SPRED2: variants seen among roughly 807,000 people sequenced by gnomAD.
The protein encoded by SPRED2 is sprouty related EVH1 domain containing 2.
SPRED2 carries 47 observed loss-of-function variants against 43.0 expected under a neutral mutation model. The observed-to-expected ratio is 1.09, with a 90% CI of 0.87 to 1.40. SPRED2 has a LOEUF of 1.40. SPRED2 is among the 40% of genes most tolerant of loss of function. SPRED2 has a pLI of 0.00. For missense variants in SPRED2, 561 were observed against 586.4 expected, an observed-to-expected ratio of 0.96 and a Z score of 0.45; for synonymous variants, 225 against 225.7, an observed-to-expected ratio of 1.00 and a Z score of 0.03.
intron 1 of SPRED2, among the ~76,000 whole-genome samples, chr2:65,371,200 G>A (rs868482479): frequency 2.6e-5 from 4 of 152,098 alleles, no homozygotes; most frequent in African/African-American, 9.6e-5. Flanking sequence ...ATTTTTTTTG[G>A]CAGGAAAACT....
intron 1 of SPRED2, among the ~76,000 whole-genome samples, chr2:65,392,328 A>G (rs541330635): frequency 1.6e-4 from 25 of 151,850 alleles, no homozygotes; most frequent in Admixed American, 1.4e-3. Flanking sequence ...ACAGGTGTGC[A>G]TTACCATGCC....
chr2:65,384,328 A>T (rs1456986479), intron 1 of SPRED2, among the ~76,000 whole-genome samples: 1 of 152,142 alleles, frequency 6.6e-6, no homozygotes, highest in Non-Finnish European at 1.5e-5. Flanking sequence ...TGCTTATGGA[A>T]TAAAGTCAGA....
At chr2:65,327,766 C>A (rs1363241317) in intron 4 of SPRED2, among the ~76,000 whole-genome samples, 5 of 133,106 alleles carry the variant, frequency 3.8e-5, no homozygotes, top group Non-Finnish European at 6.2e-5. Context: ...CTCTGTCGCC[C>A]AGGCTGGAGT....
intron 4 of SPRED2, among the ~76,000 whole-genome samples, chr2:65,325,401 A>G (rs987798787): frequency 6.6e-6 from 1 of 152,250 alleles, no homozygotes; most frequent in Non-Finnish European, 1.5e-5. Flanking sequence ...AGCACTGCTA[A>G]GCAAAAATAG....
intron 1 of SPRED2, among the ~76,000 whole-genome samples, chr2:65,393,077 G>A (rs949920810): frequency 6.6e-6 from 1 of 152,152 alleles, no homozygotes; most frequent in Non-Finnish European, 1.5e-5. Context: ...CTTACAAAAA[G>A]TTGTTGCTAC....
At chr2:65,412,577 G>A (rs1259785097) in intron 1 of SPRED2, among the ~76,000 whole-genome samples, 1 of 152,118 alleles carries the variant, frequency 6.6e-6, no homozygotes, top group African/African-American at 2.4e-5. Context: ...GTTTAAGAGT[G>A]GATTTGCATC....
chr2:65,398,044 T>C (rs761293665), intron 1 of SPRED2, among the ~76,000 whole-genome samples: 6 of 152,176 alleles, frequency 3.9e-5, no homozygotes, highest in Non-Finnish European at 7.3e-5. Flanking sequence ...AATAGGCACA[T>C]AGACCAATGG....
At chr2:65,362,140 T>C (rs1293822450) in intron 1 of SPRED2, among the ~76,000 whole-genome samples, 1 of 152,252 alleles carries the variant, frequency 6.6e-6, no homozygotes, top group Non-Finnish European at 1.5e-5. Flanking sequence ...TGCAGCTAAC[T>C]GTCTGAGCTG....
chr2:65,382,943 G>A (rs1675406414), intron 1 of SPRED2, among the ~76,000 whole-genome samples: 1 of 152,176 alleles, frequency 6.6e-6, no homozygotes, highest in Non-Finnish European at 1.5e-5. Flanking sequence ...CCTTGCGGTG[G>A]TGTGTTTGAA....
At chr2:65,391,467 T>C (rs1190929423) in intron 1 of SPRED2, among the ~76,000 whole-genome samples, 2 of 152,226 alleles carry the variant, frequency 1.3e-5, no homozygotes, top group African/African-American at 4.8e-5. Flanking sequence ...GATCATGTTA[T>C]GTAGGCAGAA....
At chr2:65,407,663 A>C (rs1041752039) in intron 1 of SPRED2, among the ~76,000 whole-genome samples, 2 of 152,144 alleles carry the variant, frequency 1.3e-5, no homozygotes, top group African/African-American at 4.8e-5. Flanking sequence ...CCAAAAGATC[A>C]ACTCTCCTCA....
chr2:65,328,415 G>A (rs980488415), intron 4 of SPRED2, among the ~76,000 whole-genome samples: 4 of 152,254 alleles, frequency 2.6e-5, no homozygotes, highest in Admixed American at 1.3e-4. Context: ...AGCAGTTTAC[G>A]GGCTTGCATT....
At position 65,341,727 on chromosome 2, in the gene SPRED2, A is replaced by G. The variant is rs1455081787; in HGVS notation, c.204+2992T>C. Among the ~76,000 whole-genome samples the G allele has an allele frequency of 3.3e-5, 5 of 152,322 alleles. No homozygotes were observed. In the South Asian group the frequency reaches 8.3e-4, roughly 25 times the overall value. ...TGGTAAAAGTTTACTATGCACTAGT[A>G]ATGTCTTACCAGTGACTAGATTAGA... On this transcript the variant is annotated intron_variant, in intron 2 of 5. Coordinates refer to ENST00000356388, the MANE Select transcript of SPRED2 (RefSeq NM_181784.3).
chr2:65,368,773 T>C (rs1396117792), intron 1 of SPRED2, among the ~76,000 whole-genome samples: 1 of 152,188 alleles, frequency 6.6e-6, no homozygotes, highest in African/African-American at 2.4e-5. Context: ...ATATAACCCC[T>C]ATTCCTAAAA....
In SPRED2 at chr2:65,432,311, A is replaced by T. The variant is rs1471467006; in HGVS notation, c.-324T>A. The T allele has an allele frequency of 3.5e-6, 1 of 283,936 alleles. No homozygotes were observed. Among genetic ancestry groups the T allele is most frequent in the Non-Finnish European group, 6.8e-6 (1 of 146,972 alleles). The allele number at this position is 283,936 out of a possible 1,614,324, so 17.6% of individuals were successfully genotyped here. A position where few individuals can be genotyped will look rare whatever the true frequency, so the allele number is the denominator to read the frequency against. On this transcript the variant is annotated 5_prime_UTR_variant, in exon 1 of 6. Coordinates refer to ENST00000356388, the MANE Select transcript of SPRED2 (RefSeq NM_181784.3). Reference sequence around the variant, plus strand: ...CGGTGGGGGAGAGCAGGAGAAAAACAAGCGCGCCTCGGAGCGGCAGGGACT... The same window carrying T: ...CGGTGGGGGAGAGCAGGAGAAAAACTAGCGCGCCTCGGAGCGGCAGGGACT...
intron 3 of SPRED2, among the ~76,000 whole-genome samples, chr2:65,333,365 C>T (rs13010364): frequency 0.11 from 16,716 of 151,788 alleles, 1,347 homozygotes; most frequent in Non-Finnish European, 0.16. Context: ...CAACGAGAGA[C>T]TGCAGGAGAA....
At position 65,432,060 on chromosome 2, in the gene SPRED2, C is replaced by G. The variant is rs1016576123; in HGVS notation, c.-73G>C. The G allele has an allele frequency of 3.3e-5, 53 of 1,592,036 alleles. 1 individual carries two copies. The highest frequency in any genetic ancestry group is 6.7e-5 in the Admixed American group (4 of 59,486). On this transcript the variant is annotated 5_prime_UTR_variant, in exon 1 of 6. Transcript: ENST00000356388. ...CTTCATCTTCCTGTCCGCTCGCCCC[C>G]CTTCTTCACATCTCCGGAGATCGCC...
At chr2:65,319,380 T>C (rs985990769) in intron 4 of SPRED2, among the ~76,000 whole-genome samples, 2 of 152,210 alleles carry the variant, frequency 1.3e-5, no homozygotes, top group African/African-American at 4.8e-5. Context: ...AAGGGTCCTA[T>C]AAGCCTTGAA....
At chr2:65,425,804 T>A (rs532076207) in intron 1 of SPRED2, among the ~76,000 whole-genome samples, 19 of 152,374 alleles carry the variant, frequency 1.2e-4, no homozygotes, top group African/African-American at 4.6e-4. Context: ...GAATAAGTTA[T>A]CAAGTTTATT....
Sources: allele counts gnomAD v4.1 joint callset (sites outside exome capture counted in the v4.1 genomes callset), GRCh38; gene constraint gnomAD v4.1.1; transcripts MANE v1.5; gene names NCBI Gene and HGNC (gene_info 2026-07-23, HGNC 2026-07-21).